CDH12: variants seen among roughly 807,000 people sequenced by gnomAD.
CDH12 encodes the protein cadherin-12.
Under a neutral mutation model 74.1 loss-of-function variants are expected in CDH12, and 41 were observed. That is an observed-to-expected ratio of 0.55 (90% confidence interval 0.43 to 0.72). CDH12 has a LOEUF of 0.72. CDH12 is among the 30% of genes least tolerant of loss of function. CDH12 has a pLI of 0.00. For synonymous variants in CDH12, 399 were observed against 355.0 expected (o/e 1.12, Z -1.39); for missense variants, 945 against 977.2 (o/e 0.97, Z 0.44).
At position 22,586,506 on chromosome 5, in the gene CDH12, A is replaced by T. The variant is rs66479187; in HGVS notation, c.-522-81142T>A. ...GTATAATAAAATATATATATATATA[A>T]ATAAAAATAAAACTTGAAGTAAAAT... On this transcript the variant is annotated intron_variant, in intron 1 of 14. Transcript: ENST00000382254. Among the ~76,000 whole-genome samples the T allele has an allele frequency of 1.9e-3, 244 of 129,080 alleles. 1 individual carries two copies. The highest frequency in any genetic ancestry group is 6.3e-3 in the African/African-American group (213 of 33,950). 84.7% of individuals were successfully genotyped at this position (129,080 alleles called of 152,430 possible).
chr5:22,103,324 T>A (rs1399479936), intron 4 of CDH12, among the ~76,000 whole-genome samples: 1 of 116,494 alleles, frequency 8.6e-6, no homozygotes, highest in Non-Finnish European at 1.9e-5. Flanking sequence ...GAAAAATAGG[T>A]TAACATTGAA....
intron 1 of CDH12, among the ~76,000 whole-genome samples, chr5:22,688,300 A>G (rs543076727): frequency 9.6e-4 from 147 of 152,382 alleles, no homozygotes; most frequent in African/African-American, 3.4e-3. Context: ...TTATTTGCCA[A>G]TGTAAACATA....
At chr5:22,527,594 A>G (rs1472484141) in intron 1 of CDH12, among the ~76,000 whole-genome samples, 1 of 152,122 alleles carries the variant, frequency 6.6e-6, no homozygotes, top group Non-Finnish European at 1.5e-5. Context: ...TACAGAGAAG[A>G]GTGATCACAG....
chr5:22,671,955 G>A (rs10043026), intron 1 of CDH12, among the ~76,000 whole-genome samples: 81,323 of 146,012 alleles, frequency 0.56, 22,791 homozygotes, highest in Non-Finnish European at 0.58. Flanking sequence ...CACCTTTAAA[G>A]GCTCCACCTA....
intron 6 of CDH12, among the ~76,000 whole-genome samples, chr5:21,943,909 C>T (rs1315053508): frequency 6.6e-6 from 1 of 151,984 alleles, no homozygotes; most frequent in African/African-American, 2.4e-5. Context: ...TGCAAATGAG[C>T]AGATCACATA....
At chr5:22,004,195 T>A (rs1250088228) in intron 5 of CDH12, among the ~76,000 whole-genome samples, 1 of 152,218 alleles carries the variant, frequency 6.6e-6, no homozygotes, top group Non-Finnish European at 1.5e-5. Context: ...TGTTCATTAT[T>A]AAGCAGAACA....
chr5:21,986,763 AACAAT>A, intron 5 of CDH12, among the ~76,000 whole-genome samples: 1 of 152,264 alleles, frequency 6.6e-6, no homozygotes, highest in African/African-American at 2.4e-5. Context: ...AGCTATTAAT[AACAAT>A]ACATTACTAT....
intron 3 of CDH12, among the ~76,000 whole-genome samples, chr5:22,382,224 A>C (rs904636749): frequency 6.9e-6 from 1 of 145,966 alleles, no homozygotes; most frequent in Non-Finnish European, 1.5e-5. Context: ...AAAATATATA[A>C]TATTTTATAT....
chr5:22,175,842 A>G (rs1749300993), intron 4 of CDH12, among the ~76,000 whole-genome samples: 1 of 152,098 alleles, frequency 6.6e-6, no homozygotes, highest in Admixed American at 6.6e-5. Context: ...CTAGCGCAAT[A>G]AATAGGACCA....
At chr5:22,317,982 T>G (rs1264241965) in intron 3 of CDH12, among the ~76,000 whole-genome samples, 1 of 152,224 alleles carries the variant, frequency 6.6e-6, no homozygotes. Context: ...TAATACATTT[T>G]CTGAACCTGT....
chr5:22,243,347 C>T (rs1752815311), intron 3 of CDH12, among the ~76,000 whole-genome samples: 1 of 151,556 alleles, frequency 6.6e-6, no homozygotes, highest in South Asian at 2.1e-4. Context: ...CCTAACTAAA[C>T]AAATAAATGT....
intron 3 of CDH12, among the ~76,000 whole-genome samples, chr5:22,350,466 T>C (rs1368765122): frequency 6.6e-6 from 1 of 152,144 alleles, no homozygotes; most frequent in Non-Finnish European, 1.5e-5. Context: ...AACCAGTAAG[T>C]GTTACTCTTT....
intron 1 of CDH12, among the ~76,000 whole-genome samples, chr5:22,531,168 G>A: frequency 6.6e-6 from 1 of 152,068 alleles, no homozygotes; most frequent in Non-Finnish European, 1.5e-5. Flanking sequence ...ATATGCTAAA[G>A]ACAAATAATT....
At chr5:21,888,274 A>T (rs2150041314) in intron 6 of CDH12, among the ~76,000 whole-genome samples, 1 of 152,178 alleles carries the variant, frequency 6.6e-6, no homozygotes, top group Non-Finnish European at 1.5e-5. Flanking sequence ...TTAAAGGGTA[A>T]TTTTTTCATA....
chr5:22,074,777 T>C lies in CDH12; in HGVS notation c.231+3669A>G, dbSNP rs1176987740. ...ACAATGAGATACCATCTCACACCAG[T>C]TAGAATGGCAATCATTAAAAAGTCA... On this transcript the variant is annotated intron_variant, in intron 5 of 14. Coordinates refer to ENST00000382254, the MANE Select transcript of CDH12 (RefSeq NM_004061.5). Among the ~76,000 whole-genome samples the C allele has an allele frequency of 2.0e-5, 3 of 152,112 alleles. No individual in the cohort carries two copies. The East Asian group carries it at 5.8e-4, about 29-fold the overall frequency.
At chr5:22,703,107 A>G (rs2126962266) in intron 1 of CDH12, among the ~76,000 whole-genome samples, 1 of 152,164 alleles carries the variant, frequency 6.6e-6, no homozygotes, top group Non-Finnish European at 1.5e-5. Context: ...ATTTATTACC[A>G]TGTATCTGTG....
chr5:21,768,681 C>A (rs1250351196), intron 11 of CDH12, among the ~76,000 whole-genome samples: 1 of 151,880 alleles, frequency 6.6e-6, no homozygotes, highest in Non-Finnish European at 1.5e-5. Context: ...AAGCCCACAC[C>A]CAGGTGGCTT....
intron 1 of CDH12, among the ~76,000 whole-genome samples, chr5:22,739,269 T>G (rs1300754438): frequency 6.6e-6 from 1 of 151,892 alleles, no homozygotes; most frequent in Non-Finnish European, 1.5e-5. Context: ...TAATTTTGTA[T>G]ATAGTGAAAT....
intron 6 of CDH12, among the ~76,000 whole-genome samples, chr5:21,971,569 T>C (rs1401582903): frequency 1.3e-5 from 2 of 152,116 alleles, no homozygotes; most frequent in Non-Finnish European, 2.9e-5. Context: ...CAAGGTGGCA[T>C]AGCTCAAGCA....
Sources: gnomAD v4.1 joint callset for allele counts (sites outside exome capture counted in the v4.1 genomes callset) on GRCh38, gnomAD v4.1.1 for gene constraint, MANE v1.5 for transcripts, NCBI Gene and HGNC (gene_info 2026-07-23, HGNC 2026-07-21) for gene names.